STPG1: variants seen among roughly 807,000 people sequenced by gnomAD.
The protein encoded by STPG1 is sperm tail PG-rich repeat containing 1, also known as O(6)-methylguanine-induced apoptosis 2.
A neutral mutation model predicts 40.1 loss-of-function variants in STPG1; 33 were observed. That is an observed-to-expected ratio of 0.82 (90% confidence interval 0.62 to 1.10). The LOEUF is 1.10. STPG1 is among the 50% of genes least tolerant of loss of function. The pLI, the probability that STPG1 is intolerant of heterozygous loss-of-function variation, is 0.00. For missense variants in STPG1, 396 were observed against 415.1 expected (o/e 0.95, Z 0.40); for synonymous variants, 150 against 155.0 (o/e 0.97, Z 0.24).
intron 5 of STPG1, among the ~76,000 whole-genome samples, chr1:24,375,455 T>A (rs1641978226): frequency 6.6e-6 from 1 of 152,104 alleles, no homozygotes; most frequent in Non-Finnish European, 1.5e-5. Context: ...GGAATTTAGC[T>A]TTTCCCAGGG....
chr1:24,364,570 C>A lies in STPG1; in HGVS notation c.738-3529G>T, dbSNP rs542032426. 9.2e-4 allele frequency: 845 copies of A among 921,888 alleles called. 20 individuals are homozygous for A. The South Asian group carries it at 0.029, about 31-fold the overall frequency. 57.1% of individuals were successfully genotyped at this position (921,888 alleles called of 1,614,324 possible). On this transcript the variant is annotated intron_variant, in intron 7 of 8. Coordinates refer to ENST00000337248, the MANE Select transcript of STPG1 (RefSeq NM_001199013.2). The stretch of plus-strand genomic sequence containing the variant: ...AGCTTTGAGGCCCCTAGCCCTATCC[C>A]GGGAACATTTGCTGAAGTGCAGAGA...
intron 3 of STPG1, 125 bp from the exon 4 acceptor site, chr1:24,384,128 G>C: frequency 1.6e-6 from 1 of 617,804 alleles, no homozygotes; most frequent in East Asian, 2.8e-5. Flanking sequence ...CCACCACTTG[G>C]TGGGTGACAG....
chr1:24,361,789 C>A (rs1641135742), intron 7 of STPG1, among the ~76,000 whole-genome samples: 1 of 152,160 alleles, frequency 6.6e-6, no homozygotes, highest in South Asian at 2.1e-4. Flanking sequence ...AAAGACCGGA[C>A]CTGTACTTGA....
intron 1 of STPG1, among the ~76,000 whole-genome samples, chr1:24,406,992 G>T (rs1570105368): frequency 6.6e-6 from 1 of 152,126 alleles, no homozygotes; most frequent in African/African-American, 2.4e-5. Flanking sequence ...GTGAAAAACT[G>T]AAATGCTATA....
At position 24,360,482 on chromosome 1, in the gene STPG1, G is replaced by A. The variant is rs115218442; in HGVS notation, c.928+369C>T. The stretch of plus-strand genomic sequence containing the variant: ...AGTAAAAAAAATTAATAATAATAAA[G>A]AAAAAGAACTTTTCTGACACTCTGA... On this transcript the variant is annotated intron_variant, in intron 8 of 8. Transcript: ENST00000337248. Among the ~76,000 whole-genome samples, 865 of 152,220 alleles carry A rather than the reference G, an allele frequency of 5.7e-3. 8 individuals carry two copies. Among genetic ancestry groups the A allele is most frequent in the African/African-American group, 0.02 (812 of 41,556 alleles).
At chr1:24,371,120 C>T (rs369246713) in intron 6 of STPG1, among the ~76,000 whole-genome samples, 9 of 152,230 alleles carry the variant, frequency 5.9e-5, no homozygotes, top group African/African-American at 1.7e-4. Context: ...TTGTCAGTAG[C>T]CCTGTGAATG....
At chr1:24,373,387 G>A (rs937451510) in intron 6 of STPG1, among the ~76,000 whole-genome samples, 2 of 152,144 alleles carry the variant, frequency 1.3e-5, no homozygotes, top group Non-Finnish European at 2.9e-5. Context: ...TGGCAGCTGG[G>A]GTATACGAAT....
intron 3 of STPG1, among the ~76,000 whole-genome samples, chr1:24,390,695 AG>A (rs1557452950): frequency 6.6e-6 from 1 of 152,064 alleles, no homozygotes; most frequent in Non-Finnish European, 1.5e-5. Flanking sequence ...CTGGGATTAC[AG>A]GTGTGAGCCA....
chr1:24,406,962 T>G (rs1643437696), intron 1 of STPG1, among the ~76,000 whole-genome samples: 1 of 152,190 alleles, frequency 6.6e-6, no homozygotes, highest in South Asian at 2.1e-4. Flanking sequence ...CCACTATCCG[T>G]CTCTGTAAAT....
At position 24,358,501 on chromosome 1, in the gene STPG1, T is replaced by G. The variant is rs1640871277; in HGVS notation, c.*42A>C. 1 of 1,512,890 alleles carries G rather than the reference T, an allele frequency of 6.6e-7. No homozygotes were observed. 93.7% of individuals were successfully genotyped at this position (1,512,890 alleles called of 1,614,324 possible). On this transcript the variant is annotated 3_prime_UTR_variant, in exon 9 of 9. Coordinates refer to ENST00000337248, the MANE Select transcript of STPG1 (RefSeq NM_001199013.2). Reference sequence around the variant, plus strand: ...AATGTCCTGGGGACGCTGGGCAGGGTGGGCTGGTGGCTGGAGTTCTCCTTG... The same window carrying G: ...AATGTCCTGGGGACGCTGGGCAGGGGGGGCTGGTGGCTGGAGTTCTCCTTG...
chr1:24,379,441 T>A (rs755559762), intron 5 of STPG1: 32 of 565,376 alleles, frequency 5.7e-5, no homozygotes, highest in Middle Eastern at 9.7e-4. Context: ...CACAGCTTGA[T>A]ACTGGCCTCC....
chr1:24,385,672 C>G (rs563423509), intron 3 of STPG1, among the ~76,000 whole-genome samples: 3 of 151,988 alleles, frequency 2.0e-5, no homozygotes, highest in Admixed American at 6.6e-5. Context: ...GAGCCAGAAC[C>G]GAGGCATTCT....
intron 8 of STPG1, 30 bp from the exon 9 acceptor site, chr1:24,358,649 A>G (rs1429240454): frequency 6.4e-7 from 1 of 1,555,832 alleles, no homozygotes; most frequent in African/African-American, 1.4e-5. Context: ...CGGAGGCATT[A>G]AGAGAGAAAA....
At chr1:24,382,088 A>AT (rs1476187772) in intron 4 of STPG1, among the ~76,000 whole-genome samples, 1 of 152,130 alleles carries the variant, frequency 6.6e-6, no homozygotes, top group African/African-American at 2.4e-5. Flanking sequence ...TTGGTTCTGA[A>AT]TTTTTTAAAG....
In STPG1 at chr1:24,378,104, GCATGTGGCTATT is replaced by G. The variant is rs1164840473; in HGVS notation, c.462+1537_462+1548del. Among the ~76,000 whole-genome samples the G allele has an allele frequency of 5.0e-3, 763 of 152,234 alleles. 6 individuals carry two copies. The highest frequency in any genetic ancestry group is 0.017 in the African/African-American group (710 of 41,514). On this transcript the variant is annotated intron_variant, in intron 5 of 8. Transcript: ENST00000337248. Reference sequence around the variant, plus strand: ...CTGCCCAGTATAGTAGCCACAGGTTGCATGTGGCTATTGGCCCTGGAAACGTGGCTGGCCCAA... The same window carrying G: ...CTGCCCAGTATAGTAGCCACAGGTTGGGCCCTGGAAACGTGGCTGGCCCAA...
intron 2 of STPG1, among the ~76,000 whole-genome samples, chr1:24,393,256 G>A (rs1642856856): frequency 6.6e-6 from 1 of 152,202 alleles, no homozygotes; most frequent in Non-Finnish European, 1.5e-5. Flanking sequence ...ATCTGCCTGG[G>A]TGGAGGATGA....
At chr1:24,387,862 C>T (rs1322914500) in intron 3 of STPG1, among the ~76,000 whole-genome samples, 1 of 152,114 alleles carries the variant, frequency 6.6e-6, no homozygotes, top group Non-Finnish European at 1.5e-5. Flanking sequence ...GGGCAGCTGT[C>T]CCCTTGAACA....
At chr1:24,409,066 T>A (rs1006850228) in intron 1 of STPG1, among the ~76,000 whole-genome samples, 2 of 152,128 alleles carry the variant, frequency 1.3e-5, no homozygotes, top group African/African-American at 4.8e-5. Flanking sequence ...TCTTTTAGTA[T>A]CTATAAAAGC....
At chr1:24,398,982 T>C (rs1285442193) in intron 2 of STPG1, among the ~76,000 whole-genome samples, 1 of 152,132 alleles carries the variant, frequency 6.6e-6, no homozygotes, top group Non-Finnish European at 1.5e-5. Flanking sequence ...ATAAGCTGAT[T>C]GTAAAATTTG....
Sources: gnomAD v4.1 joint callset for allele counts (sites outside exome capture counted in the v4.1 genomes callset) on GRCh38, gnomAD v4.1.1 for gene constraint, MANE v1.5 for transcripts, NCBI Gene and HGNC (gene_info 2026-07-23, HGNC 2026-07-21) for gene names.